VPS26A: variants seen among roughly 807,000 people sequenced by gnomAD.
VPS26A encodes the protein vacuolar protein sorting-associated protein 26A.
VPS26A carries 22 observed loss-of-function variants against 42.4 expected under a neutral mutation model. That is an observed-to-expected ratio of 0.52 (90% CI 0.37 to 0.74). The LOEUF (loss-of-function observed/expected upper bound fraction) is 0.74. Ranked by LOEUF, VPS26A falls within the 30% of genes least tolerant of loss-of-function variation. The pLI is 0.00. For synonymous variants in VPS26A, 110 were observed against 123.5 expected, an observed-to-expected ratio of 0.89 and a Z score of 0.73; for missense variants, 276 against 379.2, an observed-to-expected ratio of 0.73 and a Z score of 2.26.
chr10:69,163,094 A>G (rs1049072400), intron 6 of VPS26A, among the ~76,000 whole-genome samples: 2 of 152,216 alleles, frequency 1.3e-5, no homozygotes, highest in African/African-American at 4.8e-5. Context: ...TTCCATAACA[A>G]TGTGTAGAAT....
intron 2 of VPS26A, among the ~76,000 whole-genome samples, chr10:69,146,688 TATTTC>T (rs1272479586): frequency 6.6e-6 from 1 of 152,224 alleles, no homozygotes. Flanking sequence ...GTGCCTGACT[TATTTC>T]ATTTAGCATG....
chr10:69,167,951 C>T (rs1841728566), intron 7 of VPS26A, among the ~76,000 whole-genome samples: 1 of 152,154 alleles, frequency 6.6e-6, no homozygotes, highest in Non-Finnish European at 1.5e-5. Context: ...GATAACAAAA[C>T]AACTTATAGA....
At chr10:69,137,878 T>G (rs1840953619) in intron 2 of VPS26A, among the ~76,000 whole-genome samples, 1 of 151,586 alleles carries the variant, frequency 6.6e-6, no homozygotes, top group Non-Finnish European at 1.5e-5. Context: ...TATATATATA[T>G]ATATTCGCCA....
At chr10:69,128,993 T>C (rs1436491379) in intron 1 of VPS26A, among the ~76,000 whole-genome samples, 1 of 38,250 alleles carries the variant, frequency 2.6e-5, no homozygotes, top group Non-Finnish European at 5.4e-5. Flanking sequence ...TGAGACTCTG[T>C]CTCAAAAAAA....
In VPS26A at chr10:69,132,987, T is replaced by C. The variant is rs61741958; in HGVS notation, c.93T>C (p.Thr31=). 5,109 of 1,613,242 alleles carry C rather than the reference T, an allele frequency of 3.2e-3. 143 individuals carry two copies. In the African/African-American group the frequency reaches 0.057, roughly 18 times the overall value. The change falls in exon 2 of 9, where the codon ACT becomes ACC. Residue 31 remains threonine, a synonymous_variant. Coordinates refer to ENST00000263559, the MANE Select transcript of VPS26A (RefSeq NM_004896.5). The part of the protein sequence containing the change: ...GETRKMAEMK[T]EDGKVEKHYL... ...CCAGGAAAATGGCAGAAATGAAAACTGAAGATGGCAAAGTAGAAAAACACT... is the reference window on the plus strand; with the variant it reads ...CCAGGAAAATGGCAGAAATGAAAACCGAAGATGGCAAAGTAGAAAAACACT...
intron 2 of VPS26A, among the ~76,000 whole-genome samples, chr10:69,150,220 AT>A (rs1376905145): frequency 9.3e-5 from 14 of 150,932 alleles, no homozygotes; most frequent in Admixed American, 9.3e-4. Context: ...CACCTGGCTA[AT>A]TTTTGTATTT....
At chr10:69,166,809 G>T (rs1841697285) in intron 7 of VPS26A, among the ~76,000 whole-genome samples, 1 of 152,114 alleles carries the variant, frequency 6.6e-6, no homozygotes, top group Non-Finnish European at 1.5e-5. Context: ...CAGCAAATTG[G>T]TGTGCATGAG....
At chr10:69,128,271 G>A (rs1223729290) in intron 1 of VPS26A, among the ~76,000 whole-genome samples, 3 of 140,546 alleles carry the variant, frequency 2.1e-5, no homozygotes, top group African/African-American at 5.3e-5. Context: ...TCACTCTGTC[G>A]CCCAGGCTGG....
chr10:69,131,665 G>A (rs1192626489), intron 1 of VPS26A, among the ~76,000 whole-genome samples: 2 of 152,042 alleles, frequency 1.3e-5, no homozygotes, highest in East Asian at 3.9e-4. Flanking sequence ...CCCGGGAGGC[G>A]GAGCTTGTAG....
At chr10:69,136,344 A>G (rs1304742280) in intron 2 of VPS26A, among the ~76,000 whole-genome samples, 4 of 151,430 alleles carry the variant, frequency 2.6e-5, no homozygotes, top group African/African-American at 9.7e-5. Flanking sequence ...GGCTCCTGCA[A>G]CTTCCCGCTT....
intron 2 of VPS26A, among the ~76,000 whole-genome samples, chr10:69,148,560 C>T (rs1333723589): frequency 1.3e-5 from 2 of 152,120 alleles, no homozygotes. Flanking sequence ...CAATAATATA[C>T]AGATAATTTG....
chr10:69,166,022 T>G lies in VPS26A; in HGVS notation c.659-20T>G. ...TATTCTGGAATATTTAAATTAATGT[T>G]ATTTACATTATTGCACTAGGACCCA... On this transcript the variant is annotated intron_variant, in intron 6 of 8. Coordinates refer to ENST00000263559, the MANE Select transcript of VPS26A (RefSeq NM_004896.5). 1 of 1,592,300 alleles carries G rather than the reference T, an allele frequency of 6.3e-7. No homozygotes were observed. Among genetic ancestry groups the G allele is most frequent in the East Asian group, 2.2e-5 (1 of 44,748 alleles).
At chr10:69,166,303 T>G (rs1841686213) in intron 7 of VPS26A, among the ~76,000 whole-genome samples, 193 bp downstream of exon 7, 1 of 152,258 alleles carries the variant, frequency 6.6e-6, no homozygotes, top group Admixed American at 6.5e-5. Context: ...TAAGGTTTAA[T>G]TTTTCAGTTT....
rs1477843982 is a variant in VPS26A at position 69,171,948 on chromosome 10, T to G, written c.*679T>G. Reference sequence around the variant, plus strand: ...GATTATGTGGCAGGTCATTATGGCCTTCTTTTTTTTGGCCATATTAAGTAA... The same window carrying G: ...GATTATGTGGCAGGTCATTATGGCCGTCTTTTTTTTGGCCATATTAAGTAA... On this transcript the variant is annotated 3_prime_UTR_variant, in exon 9 of 9. Coordinates refer to ENST00000263559, the MANE Select transcript of VPS26A (RefSeq NM_004896.5). 6 of 152,208 alleles carry G rather than the reference T, an allele frequency of 3.9e-5. No homozygotes were observed. The highest frequency in any genetic ancestry group is 3.9e-4 in the Admixed American group (6 of 15,276). The allele number at this position is 152,208 out of a possible 1,614,324, so 9.4% of individuals were successfully genotyped here. A position where few individuals can be genotyped will look rare whatever the true frequency, so the allele number is the denominator to read the frequency against.
chr10:69,168,288 A>G (rs951718), intron 7 of VPS26A, among the ~76,000 whole-genome samples: 114,134 of 152,036 alleles, frequency 0.75, 45,169 homozygotes, highest in Non-Finnish European at 0.89. Context: ...TAAACATCCT[A>G]CAAAGGATAG....
intron 1 of VPS26A, among the ~76,000 whole-genome samples, chr10:69,129,034 T>G (rs1404844308): frequency 6.6e-6 from 1 of 151,740 alleles, no homozygotes; most frequent in East Asian, 1.9e-4. Context: ...TTAATTTTAA[T>G]TTTTCTATCT....
At chr10:69,139,370 C>T (rs1474709912) in intron 2 of VPS26A, among the ~76,000 whole-genome samples, 2 of 152,042 alleles carry the variant, frequency 1.3e-5, no homozygotes, top group African/African-American at 4.8e-5. Context: ...GTGGCATAAT[C>T]TCGGCTCACT....
chr10:69,169,851 C>T (rs1050801207), intron 8 of VPS26A, among the ~76,000 whole-genome samples: 1 of 150,952 alleles, frequency 6.6e-6, no homozygotes, highest in African/African-American at 2.4e-5. Context: ...TCAGGTGATC[C>T]GCCTGCCTCA....
intron 2 of VPS26A, among the ~76,000 whole-genome samples, chr10:69,133,253 G>C (rs1313861494): frequency 6.6e-6 from 1 of 151,964 alleles, no homozygotes; most frequent in Admixed American, 6.6e-5. Context: ...TTCAAGGGAA[G>C]AGCCTCTAAA....
Sources: gnomAD v4.1 joint callset for allele counts (sites outside exome capture counted in the v4.1 genomes callset) on GRCh38, gnomAD v4.1.1 for gene constraint, MANE v1.5 for transcripts, NCBI Gene and HGNC (gene_info 2026-07-23, HGNC 2026-07-21) for gene names.